Variants in COBL observed in about 807,000 individuals in gnomAD.
COBL encodes the protein cordon-bleu WH2 repeat protein, also known as protein cordon-bleu.
Under a neutral mutation model 98.8 loss-of-function variants are expected in COBL, and 51 were observed. The observed-to-expected ratio is 0.52, with a 90% CI of 0.41 to 0.65. The LOEUF is 0.65. COBL is among the 30% of genes least tolerant of loss of function. The pLI, the probability that COBL is intolerant of heterozygous loss-of-function variation, is 0.00. For missense variants in COBL, 1,617 were observed against 1,617.5 expected (o/e 1.00, Z 0.01); for synonymous variants, 634 against 651.7 (o/e 0.97, Z 0.41).
Position 51,045,191 on chromosome 7 carries a change from C to T in COBL, c.1097-1499G>A, listed in dbSNP as rs192603950. The stretch of plus-strand genomic sequence containing the variant: ...CCATCACTGAACAATAAAACCAGCA[C>T]GTTTTTTCTGTCTATGTTGTATATA... On this transcript the variant is annotated intron_variant, in intron 7 of 12. Coordinates refer to ENST00000265136, the MANE Select transcript of COBL (RefSeq NM_015198.5). Among the ~76,000 whole-genome samples the T allele has an allele frequency of 1.0e-3, 158 of 152,250 alleles. 2 individuals carry two copies. The highest frequency in any genetic ancestry group is 9.6e-3 in the Admixed American group (147 of 15,286).
At chr7:51,313,356 C>T (rs1028005927) in intron 1 of COBL, among the ~76,000 whole-genome samples, 3 of 152,100 alleles carry the variant, frequency 2.0e-5, no homozygotes, top group African/African-American at 7.2e-5. Flanking sequence ...TGTGCGGCAC[C>T]GACAGGACTA....
intron 5 of COBL, among the ~76,000 whole-genome samples, chr7:51,182,343 A>G (rs77622185): frequency 0.084 from 12,599 of 150,288 alleles, 721 homozygotes; most frequent in Middle Eastern, 0.19. Context: ...GTGCGCTAGC[A>G]TGTTCTCATC....
intron 8 of COBL, among the ~76,000 whole-genome samples, chr7:51,038,142 C>T (rs1038529107): frequency 2.0e-5 from 3 of 152,140 alleles, no homozygotes; most frequent in African/African-American, 4.8e-5. Context: ...GTGAGCCCAA[C>T]GTGTAACATA....
At chr7:51,242,300 C>G (rs984947446) in intron 1 of COBL, among the ~76,000 whole-genome samples, 5 of 152,302 alleles carry the variant, frequency 3.3e-5, no homozygotes, top group African/African-American at 1.2e-4. Context: ...TATTTAAACC[C>G]CAGAAAATTC....
intron 6 of COBL, among the ~76,000 whole-genome samples, chr7:51,115,790 G>C (rs1438871104): frequency 2.0e-5 from 3 of 151,908 alleles, no homozygotes; most frequent in Admixed American, 2.0e-4. Context: ...TTGTCTAGTT[G>C]TTCTATCTGA....
chr7:51,016,784 G>A lies in COBL; in HGVS notation c.*767C>T, dbSNP rs1042945422. ...TATGTCACTTCATAGCCTGGGGAAT[G>A]GCTGTCCATGTGGGGCACTGCCCAT... is the stretch of plus-strand genomic sequence containing the variant. On this transcript the variant is annotated 3_prime_UTR_variant, in exon 13 of 13. Coordinates refer to ENST00000265136, the MANE Select transcript of COBL (RefSeq NM_015198.5). 7.6e-6 allele frequency: 3 copies of A among 396,910 alleles called. No individual in the cohort carries two copies. Among genetic ancestry groups the A allele is most frequent in the South Asian group, 1.4e-4 (1 of 7,006 alleles). The allele number at this position is 396,910 out of a possible 1,614,324, so 24.6% of individuals were successfully genotyped here. A position where few individuals can be genotyped will look rare whatever the true frequency, so the allele number is the denominator to read the frequency against.
intron 8 of COBL, among the ~76,000 whole-genome samples, chr7:51,041,755 A>G (rs879617719): frequency 6.1e-4 from 93 of 152,218 alleles, no homozygotes; most frequent in African/African-American, 2.0e-3. Flanking sequence ...AAGTGCTGGG[A>G]TTATAGGCTT....
chr7:51,147,746 T>C (rs1468496897), intron 5 of COBL, among the ~76,000 whole-genome samples: 3 of 151,070 alleles, frequency 2.0e-5, no homozygotes, highest in African/African-American at 7.4e-5. Context: ...ACGTTGATTT[T>C]TCTTTTCTTT....
At position 51,080,604 on chromosome 7, in the gene COBL, C is replaced by T. The variant is rs561650351; in HGVS notation, c.1096+4562G>A. ...AGCTTCTGTGAGATGCCTGGTGGAC[C>T]GGCTGGGCCTCATATGTACTCAGGG... On this transcript the variant is annotated intron_variant, in intron 7 of 12. Transcript: ENST00000265136. Among the ~76,000 whole-genome samples the T allele has an allele frequency of 1.4e-4, 21 of 152,274 alleles. No homozygotes were observed. The East Asian group carries it at 2.3e-3, about 17-fold the overall frequency.
chr7:51,209,131 C>T (rs1053230287), intron 2 of COBL, among the ~76,000 whole-genome samples: 3 of 151,746 alleles, frequency 2.0e-5, no homozygotes, highest in African/African-American at 7.3e-5. Flanking sequence ...CCTCCGTGAC[C>T]CTGAGCATGA....
chr7:51,217,436 G>A (rs1405750861), intron 2 of COBL, among the ~76,000 whole-genome samples: 1 of 149,988 alleles, frequency 6.7e-6, no homozygotes, highest in Non-Finnish European at 1.5e-5. Flanking sequence ...CCATCTCCCG[G>A]GTTCAAGTGA....
intron 6 of COBL, among the ~76,000 whole-genome samples, chr7:51,134,765 A>G (rs1411150137): frequency 1.3e-5 from 2 of 152,186 alleles, no homozygotes; most frequent in Non-Finnish European, 2.9e-5. Flanking sequence ...TCTACATCCA[A>G]GCAAATTAAT....
intron 1 of COBL, among the ~76,000 whole-genome samples, chr7:51,315,522 G>A (rs1803468738): frequency 6.6e-6 from 1 of 152,220 alleles, no homozygotes; most frequent in African/African-American, 2.4e-5. Context: ...AAGTCCAGTT[G>A]CCATAGCAGA....
intron 6 of COBL, among the ~76,000 whole-genome samples, chr7:51,091,568 T>A (rs1274592239): frequency 2.6e-5 from 4 of 151,930 alleles, no homozygotes; most frequent in African/African-American, 9.7e-5. Flanking sequence ...ATTATGGGGA[T>A]CAGAGAAGGA....
At chr7:51,052,625 C>T (rs778586023) in intron 7 of COBL, among the ~76,000 whole-genome samples, 2 of 152,170 alleles carry the variant, frequency 1.3e-5, no homozygotes, top group Non-Finnish European at 2.9e-5. Context: ...TCTATTAAAA[C>T]ACATAAATTT....
At chr7:51,266,255 T>C (rs1033979798) in intron 1 of COBL, among the ~76,000 whole-genome samples, 6 of 152,260 alleles carry the variant, frequency 3.9e-5, no homozygotes, top group Admixed American at 2.0e-4. Flanking sequence ...TGTCATTAAC[T>C]TAATTTCTGA....
chr7:51,018,338 C>G (rs1398287503), intron 12 of COBL: 1 of 152,146 alleles, frequency 6.6e-6, no homozygotes, highest in African/African-American at 2.4e-5. Flanking sequence ...CTCACACATC[C>G]CTCGCATCAA....
At chr7:51,102,888 T>C (rs1490745062) in intron 6 of COBL, among the ~76,000 whole-genome samples, 2 of 152,170 alleles carry the variant, frequency 1.3e-5, no homozygotes, top group Admixed American at 1.3e-4. Flanking sequence ...GGAAAGGTGG[T>C]TGCCAGGCGA....
intron 5 of COBL, among the ~76,000 whole-genome samples, chr7:51,160,553 T>C (rs560441447): frequency 6.0e-4 from 91 of 152,320 alleles, no homozygotes; most frequent in African/African-American, 2.1e-3. Context: ...GAGCCAACCT[T>C]CATCGAGTGC....
Sources: allele counts gnomAD v4.1 joint callset (sites outside exome capture counted in the v4.1 genomes callset), GRCh38; gene constraint gnomAD v4.1.1; transcripts MANE v1.5; gene names NCBI Gene and HGNC (gene_info 2026-07-23, HGNC 2026-07-21).